The following ADAMTSL1 variants were observed in gnomAD, a reference collection of about 807,000 sequenced individuals.
The protein encoded by ADAMTSL1 is ADAMTS-like protein 1.
ADAMTSL1 carries 126 observed loss-of-function variants against 201.8 expected under a neutral mutation model. That is an observed-to-expected ratio of 0.62 (90% confidence interval 0.54 to 0.72). The LOEUF (loss-of-function observed/expected upper bound fraction) is 0.72. Among genes scored for constraint, ADAMTSL1 ranks in the 30% least tolerant of loss-of-function variants. The pLI is 0.00. For synonymous variants in ADAMTSL1, 1,121 were observed against 903.4 expected, an observed-to-expected ratio of 1.24 and a Z score of -4.32; for missense variants, 2,679 against 2,277.8, an observed-to-expected ratio of 1.18 and a Z score of -3.59.
intron 26 of ADAMTSL1, among the ~76,000 whole-genome samples, chr9:18,894,327 G>A (rs1282841641): frequency 1.4e-5 from 2 of 142,584 alleles, no homozygotes; most frequent in African/African-American, 5.2e-5. Flanking sequence ...CAGCCTGGGT[G>A]ACAGAGCAAA....
intron 2 of ADAMTSL1, among the ~76,000 whole-genome samples, chr9:18,225,039 C>T (rs886276411): frequency 8.6e-5 from 13 of 152,020 alleles, no homozygotes; most frequent in African/African-American, 3.1e-4. Flanking sequence ...ACTACTTATT[C>T]CCTGCTTCTT....
intron 1 of ADAMTSL1, among the ~76,000 whole-genome samples, chr9:18,027,665 T>C (rs1820761159): frequency 6.6e-6 from 1 of 152,070 alleles, no homozygotes; most frequent in South Asian, 2.1e-4. Flanking sequence ...ATGTTCCATG[T>C]GTAGATGAGA....
intron 2 of ADAMTSL1, among the ~76,000 whole-genome samples, chr9:18,168,578 C>A (rs10963487): frequency 0.52 from 78,178 of 148,914 alleles, 20,779 homozygotes; most frequent in Admixed American, 0.57. Context: ...TAATGCCGCA[C>A]TAAACATACG....
intron 4 of ADAMTSL1, among the ~76,000 whole-genome samples, chr9:18,585,091 T>C (rs1823392937): frequency 6.6e-6 from 1 of 152,210 alleles, no homozygotes; most frequent in Admixed American, 6.5e-5. Flanking sequence ...TGACACTTCA[T>C]AGAAATTCAT....
At chr9:17,917,296 G>C (rs1478185801) in intron 1 of ADAMTSL1, among the ~76,000 whole-genome samples, 14 of 152,030 alleles carry the variant, frequency 9.2e-5, no homozygotes, top group Admixed American at 3.3e-4. Context: ...AGGTTGGATA[G>C]AAGTGGTATG....
rs1273942976 is a variant in ADAMTSL1 at position 18,622,466 on chromosome 9, A to G, written c.601+97A>G. The G allele has an allele frequency of 2.6e-6, 4 of 1,545,944 alleles. No individual in the cohort carries two copies. The South Asian group carries it at 4.7e-5, about 18-fold the overall frequency. On this transcript the variant is annotated intron_variant, in intron 5 of 28. Transcript: ENST00000380548. Reference sequence around the variant, plus strand: ...TAAACAGCCAGGGAACAACACCTCCACCAAAACGATAATGAACCTGAAAAT... The same window carrying G: ...TAAACAGCCAGGGAACAACACCTCCGCCAAAACGATAATGAACCTGAAAAT...
At chr9:17,930,151 G>A (rs1345720835) in intron 1 of ADAMTSL1, among the ~76,000 whole-genome samples, 14 of 152,010 alleles carry the variant, frequency 9.2e-5, no homozygotes, top group Non-Finnish European at 1.9e-4. Flanking sequence ...AAAATTTCTC[G>A]GTCACATAAA....
At chr9:18,634,698 C>T (rs940506484) in intron 5 of ADAMTSL1, among the ~76,000 whole-genome samples, 3 of 150,668 alleles carry the variant, frequency 2.0e-5, no homozygotes, top group Non-Finnish European at 4.4e-5. Flanking sequence ...ATTAGTCAGG[C>T]GTGATGGTGG....
intron 1 of ADAMTSL1, among the ~76,000 whole-genome samples, chr9:18,104,293 T>C (rs1306413791): frequency 6.6e-6 from 1 of 152,160 alleles, no homozygotes; most frequent in African/African-American, 2.4e-5. Context: ...CCTCTCTAGT[T>C]ACTGCATGCT....
upstream of ADAMTSL1, among the ~76,000 whole-genome samples, chr9:18,469,817 G>A (rs553886961): frequency 2.0e-5 from 3 of 152,216 alleles, no homozygotes; most frequent in South Asian, 4.1e-4. Flanking sequence ...CCGAATTTTT[G>A]TAGTACTTCA....
At chr9:18,584,830 T>A (rs746524913) in intron 4 of ADAMTSL1, among the ~76,000 whole-genome samples, 1 of 152,150 alleles carries the variant, frequency 6.6e-6, no homozygotes, top group Non-Finnish European at 1.5e-5. Context: ...GATCCATGGA[T>A]GATGTAGCAA....
At chr9:18,077,713 G>A (rs1329272836) in intron 1 of ADAMTSL1, among the ~76,000 whole-genome samples, 1 of 152,098 alleles carries the variant, frequency 6.6e-6, no homozygotes, top group Non-Finnish European at 1.5e-5. Flanking sequence ...AATGGAAAAA[G>A]CTGCAGACTA....
chr9:18,267,964 A>T (rs1457608878), intron 2 of ADAMTSL1, among the ~76,000 whole-genome samples: 2 of 152,098 alleles, frequency 1.3e-5, no homozygotes, highest in Non-Finnish European at 2.9e-5. Flanking sequence ...AATTTCTCAT[A>T]ATCTCATAAG....
At chr9:18,535,954 C>G (rs1413996504) in intron 3 of ADAMTSL1, among the ~76,000 whole-genome samples, 1 of 152,064 alleles carries the variant, frequency 6.6e-6, no homozygotes, top group African/African-American at 2.4e-5. Context: ...ACAGCCAAAT[C>G]ATATCAGACT....
chr9:18,719,422 A>G (rs1388969870), intron 14 of ADAMTSL1, among the ~76,000 whole-genome samples: 1 of 152,094 alleles, frequency 6.6e-6, no homozygotes, highest in Admixed American at 6.6e-5. Context: ...ATCTCAGCTC[A>G]CTGCAACCTT....
intron 1 of ADAMTSL1, among the ~76,000 whole-genome samples, chr9:18,082,770 G>C (rs1025241747): frequency 2.6e-5 from 4 of 152,168 alleles, no homozygotes; most frequent in Admixed American, 2.6e-4. Context: ...AGCTGAGAAA[G>C]GGAAGAGGCA....
chr9:18,658,160 C>G (rs1043090587), intron 8 of ADAMTSL1, among the ~76,000 whole-genome samples: 2 of 151,996 alleles, frequency 1.3e-5, no homozygotes, highest in Non-Finnish European at 2.9e-5. Context: ...ATTTTTAGTA[C>G]GGACGGGGTT....
upstream of ADAMTSL1, among the ~76,000 whole-genome samples, chr9:18,472,648 C>A (rs993241130): frequency 2.0e-5 from 3 of 152,174 alleles, no homozygotes; most frequent in East Asian, 5.8e-4. Context: ...GGCAGACCTG[C>A]CTGTATTCAC....
At chr9:18,844,524 A>G (rs1329137436) in intron 23 of ADAMTSL1, among the ~76,000 whole-genome samples, 1 of 152,204 alleles carries the variant, frequency 6.6e-6, no homozygotes, top group Non-Finnish European at 1.5e-5. Flanking sequence ...GCCCATTCTC[A>G]GATCTCCAGC....
Sources: gnomAD v4.1 joint callset for allele counts (sites outside exome capture counted in the v4.1 genomes callset) on GRCh38, gnomAD v4.1.1 for gene constraint, MANE v1.5 for transcripts, NCBI Gene and HGNC (gene_info 2026-07-23, HGNC 2026-07-21) for gene names.